Variants in ATP11B observed in about 807,000 individuals in gnomAD.
ATP11B encodes the protein phospholipid-transporting ATPase IF.
A neutral mutation model predicts 157.8 loss-of-function variants in ATP11B; 81 were observed. That is an observed-to-expected ratio of 0.51 (90% CI 0.43 to 0.62). The LOEUF (loss-of-function observed/expected upper bound fraction) is 0.62. Ranked by LOEUF, ATP11B falls within the 20% of genes least tolerant of loss-of-function variation. ATP11B has a pLI of 0.00. For synonymous variants in ATP11B, 451 were observed against 469.4 expected (o/e 0.96, Z 0.51); for missense variants, 1,165 against 1,402.2 (o/e 0.83, Z 2.70).
intron 1 of ATP11B, among the ~76,000 whole-genome samples, chr3:182,807,970 AC>A (rs1388980616): frequency 1.3e-5 from 2 of 152,172 alleles, no homozygotes; most frequent in African/African-American, 2.4e-5. Flanking sequence ...AAACATTTTA[AC>A]TTAACTGAGT....
At chr3:182,822,798 A>G (rs1028380050) in intron 2 of ATP11B, among the ~76,000 whole-genome samples, 1 of 152,148 alleles carries the variant, frequency 6.6e-6, no homozygotes, top group African/African-American at 2.4e-5. Flanking sequence ...TGACTTTTTA[A>G]TGATCGCCAT....
chr3:182,895,449 C>T (rs751430169), intron 25 of ATP11B, among the ~76,000 whole-genome samples: 4 of 151,998 alleles, frequency 2.6e-5, no homozygotes, highest in Non-Finnish European at 4.4e-5. Flanking sequence ...TAGAAAACTG[C>T]GATTTATCCT....
At chr3:182,852,068 A>T (rs906654905) in intron 10 of ATP11B, among the ~76,000 whole-genome samples, 1 of 152,268 alleles carries the variant, frequency 6.6e-6, no homozygotes, top group Non-Finnish European at 1.5e-5. Flanking sequence ...AAAGATTGAA[A>T]TCATACAAAG....
At chr3:182,884,179 A>G (rs1222437781) in intron 21 of ATP11B, among the ~76,000 whole-genome samples, 1 of 152,118 alleles carries the variant, frequency 6.6e-6, no homozygotes, top group Non-Finnish European at 1.5e-5. Context: ...TATTGTAACC[A>G]TTAAAAAAGT....
intron 1 of ATP11B, among the ~76,000 whole-genome samples, chr3:182,798,882 G>A (rs547224126): frequency 6.6e-6 from 1 of 152,280 alleles, no homozygotes; most frequent in African/African-American, 2.4e-5. Context: ...CATGTATTTG[G>A]TTAAATATTA....
At chr3:182,811,588 T>C (rs1716670942) in intron 1 of ATP11B, among the ~76,000 whole-genome samples, 1 of 152,182 alleles carries the variant, frequency 6.6e-6, no homozygotes. Flanking sequence ...CATACACCTC[T>C]TAGCTATAAT....
chr3:182,918,486 C>A lies in ATP11B; in HGVS notation c.*382C>A, dbSNP rs1725276582. 5.0e-6 allele frequency: 2 copies of A among 397,372 alleles called. No individual in the cohort carries two copies. The highest frequency in any genetic ancestry group is 1.3e-4 in the South Asian group (1 of 7,692). 24.6% of individuals were successfully genotyped at this position (397,372 alleles called of 1,614,324 possible). On this transcript the variant is annotated 3_prime_UTR_variant, in exon 30 of 30. Transcript: ENST00000323116. The stretch of plus-strand genomic sequence containing the variant: ...TTTAGTATTAGCTTGATTATTGACT[C>A]TTCTATTTAAATCTGCTTCTGTAAA...
intron 1 of ATP11B, among the ~76,000 whole-genome samples, chr3:182,796,612 A>G (rs1715612544): frequency 6.6e-6 from 1 of 152,228 alleles, no homozygotes; most frequent in Non-Finnish European, 1.5e-5. Flanking sequence ...GTGTCAGTAC[A>G]TATTTGAATG....
At position 182,915,579 on chromosome 3, in the gene ATP11B, A is replaced by T. The variant is rs377602619; in HGVS notation, c.3452+1585A>T. 1.0e-4 allele frequency: 102 copies of T among 974,862 alleles called. 1 individual carries two copies. The East Asian group carries it at 8.6e-3, about 82-fold the overall frequency. The allele number at this position is 974,862 out of a possible 1,614,324, so 60.4% of individuals were successfully genotyped here. A position where few individuals can be genotyped will look rare whatever the true frequency, so the allele number is the denominator to read the frequency against. On this transcript the variant is annotated intron_variant, in intron 29 of 29. Coordinates refer to ENST00000323116, the MANE Select transcript of ATP11B (RefSeq NM_014616.3). The stretch of plus-strand genomic sequence containing the variant: ...TTTTTTCAACTTCTCCTTCAATGGA[A>T]ATTTCTCTTTAATGACAATATACGT...
At chr3:182,807,629 C>G (rs1393083120) in intron 1 of ATP11B, among the ~76,000 whole-genome samples, 2 of 151,992 alleles carry the variant, frequency 1.3e-5, no homozygotes, top group African/African-American at 4.8e-5. Context: ...TAAGGTGGTG[C>G]CCATTTTTAA....
intron 1 of ATP11B, among the ~76,000 whole-genome samples, chr3:182,811,799 C>G (rs576418940): frequency 1.4e-3 from 218 of 152,204 alleles, no homozygotes; most frequent in Non-Finnish European, 1.7e-3. Flanking sequence ...CATATACTTT[C>G]ATTGTAGGTA....
At position 182,859,324 on chromosome 3, in the gene ATP11B, G is replaced by A. The variant is rs1015776334; in HGVS notation, c.1165G>A (p.Val389Ile). ...YHEESDQKAQ[V>I]NTSDLNEELG... ...TGAAGAATCAGATCAGAAAGCTCAA[G>A]TCAATACTTCCGATCTGAATGAAGA... The change falls in exon 12 of 30, where the codon GTC (valine) becomes ATC (isoleucine). Residue 389 changes from valine to isoleucine, a missense_variant. Around this residue, in one of 4 missense-constraint regions of ATP11B, gnomAD observed 737 missense variants for 930.5 expected, o/e 0.79. Transcript: ENST00000323116. 1.2e-6 allele frequency: 2 copies of A among 1,608,810 alleles called. No homozygotes were observed. The highest frequency in any genetic ancestry group is 1.7e-6 in the Non-Finnish European group (2 of 1,177,148).
intron 28 of ATP11B, among the ~76,000 whole-genome samples, chr3:182,904,510 A>G (rs1042320879): frequency 6.6e-6 from 1 of 152,190 alleles, no homozygotes; most frequent in African/African-American, 2.4e-5. Context: ...TAGCGTAACT[A>G]TTTACGCCTG....
Position 182,865,574 on chromosome 3 carries a change from G to C in ATP11B, c.1319G>C (p.Gly440Ala), listed in dbSNP as rs748865702. 9.9e-6 allele frequency: 16 copies of C among 1,613,700 alleles called. No homozygotes were observed. In the African/African-American group the frequency reaches 2.0e-4, roughly 20 times the overall value. The change falls in exon 13 of 30, where the codon GGA becomes GCA. Residue 440 changes from glycine to alanine, a missense_variant. Physicochemically the swap from Gly to Ala is moderately conservative, Grantham distance 60 (BLOSUM62 0). Around this residue, in one of 4 missense-constraint regions of ATP11B, gnomAD observed 737 missense variants for 930.5 expected, o/e 0.79. Transcript: ENST00000323116. ...QEINGRLVPEGPTPDSSEGNL... is the reference protein window; with the variant it reads ...QEINGRLVPEAPTPDSSEGNL... ...ATTAATGGTAGACTTGTACCCGAAGGACCAACACCAGACTCTTCAGAAGGA... is the reference window on the plus strand; with the variant it reads ...ATTAATGGTAGACTTGTACCCGAAGCACCAACACCAGACTCTTCAGAAGGA...
rs976597112 is a variant in ATP11B, at chr3:182,803,586, G to C, written c.27+9800G>C. Among the ~76,000 whole-genome samples, 10 of 152,188 alleles carry C rather than the reference G, an allele frequency of 6.6e-5. No homozygotes were observed. The East Asian group carries it at 1.7e-3, about 26-fold the overall frequency. On this transcript the variant is annotated intron_variant, in intron 1 of 29. Transcript: ENST00000323116. ...TCCTTTGTTATACTAGGATCATAAA[G>C]CTGTTTTTCCAGCGTTTTCTTCAAA...
intron 20 of ATP11B, 125 bp downstream of exon 20, chr3:182,879,774 C>A: frequency 3.7e-6 from 3 of 805,624 alleles, no homozygotes; most frequent in African/African-American, 1.8e-5. Context: ...AGGAGTCAGT[C>A]ACATCTCATG....
chr3:182,842,972 C>T (rs548277478), intron 8 of ATP11B, among the ~76,000 whole-genome samples: 44 of 152,210 alleles, frequency 2.9e-4, no homozygotes, highest in Non-Finnish European at 5.1e-4. Flanking sequence ...CTTACCAGTC[C>T]TCTCAGATTC....
intron 1 of ATP11B, among the ~76,000 whole-genome samples, chr3:182,802,505 A>G (rs1243942748): frequency 6.6e-6 from 1 of 152,118 alleles, no homozygotes; most frequent in Non-Finnish European, 1.5e-5. Context: ...GCCTTATTGC[A>G]ATTCAGAAGT....
At chr3:182,861,687 C>CA (rs1419077696) in intron 12 of ATP11B, among the ~76,000 whole-genome samples, 2 of 152,160 alleles carry the variant, frequency 1.3e-5, no homozygotes, top group Non-Finnish European at 2.9e-5. Context: ...CTTATTGTAT[C>CA]AGTTGCATTG....
Sources: allele counts gnomAD v4.1 joint callset (sites outside exome capture counted in the v4.1 genomes callset), GRCh38; gene constraint gnomAD v4.1.1; regional missense constraint gnomAD v4.1.1; transcripts MANE v1.5; gene names NCBI Gene and HGNC (gene_info 2026-07-23, HGNC 2026-07-21).